Variants in NAALADL2 observed in about 807,000 individuals in gnomAD.
NAALADL2 encodes the protein inactive N-acetylated-alpha-linked acidic dipeptidase-like protein 2.
A neutral mutation model predicts 87.2 loss-of-function variants in NAALADL2; 76 were observed. The observed-to-expected ratio is 0.87, with a 90% confidence interval of 0.72 to 1.05. The LOEUF is 1.05. Among genes scored for constraint, NAALADL2 ranks in the 50% least tolerant of loss-of-function variants. The pLI is 0.00. For missense variants in NAALADL2, 1,089 were observed against 945.8 expected (o/e 1.15, Z -1.99); for synonymous variants, 354 against 331.0 (o/e 1.07, Z -0.75).
At chr3:175,029,458 C>G (rs35600882) in intron 1 of NAALADL2, among the ~76,000 whole-genome samples, 35,762 of 151,886 alleles carry the variant, frequency 0.24, 4,679 homozygotes, top group African/African-American at 0.34. Flanking sequence ...ATAACTCTCT[C>G]TGATCCATCA....
chr3:175,269,218 T>A (rs1401346970), intron 4 of NAALADL2, among the ~76,000 whole-genome samples: 1 of 152,006 alleles, frequency 6.6e-6, no homozygotes, highest in African/African-American at 2.4e-5. Flanking sequence ...AGATTACAGG[T>A]GTGAGCCACA....
At chr3:174,699,485 A>T (rs1729352668) in intron 2 of NAALADL2, among the ~76,000 whole-genome samples, 1 of 142,690 alleles carries the variant, frequency 7.0e-6, no homozygotes, top group South Asian at 2.3e-4. Flanking sequence ...TAAGAGCAAA[A>T]CTCCATCTCA....
chr3:174,705,046 C>A (rs910478730), intron 2 of NAALADL2, among the ~76,000 whole-genome samples: 2 of 151,792 alleles, frequency 1.3e-5, no homozygotes, highest in African/African-American at 4.8e-5. Context: ...CATTATTTAC[C>A]CAGTTTTTAC....
intron 13 of NAALADL2, among the ~76,000 whole-genome samples, chr3:175,760,255 C>T (rs1456647710): frequency 1.2e-4 from 18 of 152,062 alleles, no homozygotes; most frequent in Admixed American, 1.2e-3. Context: ...TTTACCTGGC[C>T]ATTTAGGTAA....
chr3:175,113,982 A>G (rs1265927710), intron 2 of NAALADL2, among the ~76,000 whole-genome samples: 3 of 151,706 alleles, frequency 2.0e-5, no homozygotes, highest in African/African-American at 7.2e-5. Flanking sequence ...GAGTCTCACA[A>G]AGAATCAAGT....
intron 11 of NAALADL2, among the ~76,000 whole-genome samples, chr3:175,631,618 C>A (rs1553936221): frequency 1.3e-5 from 2 of 151,866 alleles, no homozygotes; most frequent in African/African-American, 2.4e-5. Context: ...TGCTGAAGGG[C>A]AATACATGCT....
At chr3:174,887,280 A>T (rs1279392796) in intron 1 of NAALADL2, among the ~76,000 whole-genome samples, 3 of 144,546 alleles carry the variant, frequency 2.1e-5, no homozygotes, top group Non-Finnish European at 4.5e-5. Flanking sequence ...AACCTTATCA[A>T]TGTCATTATC....
chr3:174,927,904 A>C (rs894737075), intron 1 of NAALADL2, among the ~76,000 whole-genome samples: 1 of 152,192 alleles, frequency 6.6e-6, no homozygotes, highest in Non-Finnish European at 1.5e-5. Flanking sequence ...CCTTCAAAAA[A>C]TCAATGAATC....
At chr3:175,661,126 T>C (rs910192680) in intron 11 of NAALADL2, among the ~76,000 whole-genome samples, 2 of 152,070 alleles carry the variant, frequency 1.3e-5, no homozygotes, top group Non-Finnish European at 2.9e-5. Context: ...TGTAAAGATG[T>C]TCCCCTTTCT....
intron 3 of NAALADL2, among the ~76,000 whole-genome samples, chr3:174,810,636 T>A (rs1033246056): frequency 4.6e-5 from 7 of 151,814 alleles, no homozygotes; most frequent in African/African-American, 1.7e-4. Flanking sequence ...GAATTTATAT[T>A]TAAAAGGGAA....
intron 2 of NAALADL2, among the ~76,000 whole-genome samples, chr3:175,226,023 G>A (rs556164466): frequency 2.6e-5 from 4 of 152,144 alleles, no homozygotes; most frequent in South Asian, 2.1e-4. Flanking sequence ...TTACTGTCAC[G>A]TGGAACATAA....
chr3:174,590,473 G>T (rs1038162344), intron 2 of NAALADL2, among the ~76,000 whole-genome samples: 1 of 151,998 alleles, frequency 6.6e-6, no homozygotes, highest in Non-Finnish European at 1.5e-5. Context: ...TGTTTTAAAA[G>T]CTATCTTGAA....
At chr3:175,274,262 G>A (rs369711934) in intron 4 of NAALADL2, among the ~76,000 whole-genome samples, 2 of 152,090 alleles carry the variant, frequency 1.3e-5, no homozygotes, top group African/African-American at 4.8e-5. Context: ...ATTATCATGA[G>A]AACAGCATGG....
At chr3:175,088,677 T>C (rs534783195) in intron 1 of NAALADL2, among the ~76,000 whole-genome samples, 4 of 152,354 alleles carry the variant, frequency 2.6e-5, no homozygotes, top group African/African-American at 9.6e-5. Flanking sequence ...AGTAGCCTTG[T>C]GTAGATACAA....
rs1225241010 is a variant in NAALADL2 at position 175,809,506 on chromosome 3, TCTCTTAAAA to T, written c.*6304_*6312del. 3.0e-5 allele frequency: 2 copies of T among 66,190 alleles called. No homozygotes were observed. Among genetic ancestry groups the T allele is most frequent in the East Asian group, 8.5e-4 (2 of 2,362 alleles). 4.1% of individuals were successfully genotyped at this position (66,190 alleles called of 1,614,324 possible). A position where few individuals can be genotyped will look rare whatever the true frequency, so the allele number is the denominator to read the frequency against. On this transcript the variant is annotated 3_prime_UTR_variant, in exon 14 of 14. Coordinates refer to ENST00000454872, the MANE Select transcript of NAALADL2 (RefSeq NM_207015.3). ...CTGGGCAACAAAGTGAGACCCTGTC[TCTCTTAAAA>T]AAAAAAAAAAAAAAAAAAAAAAAAG...
chr3:174,941,685 T>C (rs960505809), intron 1 of NAALADL2, among the ~76,000 whole-genome samples: 3 of 152,186 alleles, frequency 2.0e-5, no homozygotes, highest in African/African-American at 7.2e-5. Context: ...TTCTCCTGTG[T>C]TGGGTGCATA....
chr3:175,173,286 C>T (rs1373339875), intron 2 of NAALADL2, among the ~76,000 whole-genome samples: 2 of 142,804 alleles, frequency 1.4e-5, no homozygotes, highest in African/African-American at 2.6e-5. Flanking sequence ...AGCGAGACTC[C>T]GTTTCAAAAT....
At chr3:174,914,081 G>C (rs113781880) in intron 1 of NAALADL2, among the ~76,000 whole-genome samples, 2,759 of 144,802 alleles carry the variant, frequency 0.019, 80 homozygotes, top group African/African-American at 0.066. Context: ...TTTTTAATTA[G>C]AGACGGAGTC....
chr3:174,859,323 A>G (rs1726184543), upstream of NAALADL2: 1 of 952,440 alleles, frequency 1.0e-6, no homozygotes, highest in East Asian at 2.6e-5. Flanking sequence ...ACAATACTAC[A>G]GTAGAAAGTC....
Sources: allele counts gnomAD v4.1 joint callset (sites outside exome capture counted in the v4.1 genomes callset), GRCh38; gene constraint gnomAD v4.1.1; transcripts MANE v1.5; gene names NCBI Gene and HGNC (gene_info 2026-07-23, HGNC 2026-07-21).